HS6ST1: variants seen among roughly 807,000 people sequenced by gnomAD.
HS6ST1 encodes heparan sulfate 6-O-sulfotransferase 1.
HS6ST1 carries 3 observed loss-of-function variants against 25.2 expected under a neutral mutation model. That is an observed-to-expected ratio of 0.12 (90% CI 0.05 to 0.31). HS6ST1 has a LOEUF of 0.31. HS6ST1 is among the 10% of genes least tolerant of loss of function. The pLI is 1.00. For synonymous variants in HS6ST1, 204 were observed against 275.1 expected (o/e 0.74, Z 2.56); for missense variants, 310 against 609.6 (o/e 0.51, Z 5.18).
At chr2:128,299,424 G>T (rs1329024986) in intron 1 of HS6ST1, among the ~76,000 whole-genome samples, 1 of 152,224 alleles carries the variant, frequency 6.6e-6, no homozygotes, top group African/African-American at 2.4e-5. Flanking sequence ...GGCTCTGCTG[G>T]CCCCAGTCTC....
At chr2:128,313,314 G>A (rs1395803766) in intron 1 of HS6ST1, among the ~76,000 whole-genome samples, 1 of 152,172 alleles carries the variant, frequency 6.6e-6, no homozygotes, top group Non-Finnish European at 1.5e-5. Context: ...ACAGAGTACA[G>A]AATGAGCAAC....
At chr2:128,280,949 C>T (rs1693776766) in intron 1 of HS6ST1, among the ~76,000 whole-genome samples, 1 of 152,222 alleles carries the variant, frequency 6.6e-6, no homozygotes, top group Non-Finnish European at 1.5e-5. Flanking sequence ...GCTGACCCAA[C>T]CCCAGGGAGC....
intron 1 of HS6ST1, among the ~76,000 whole-genome samples, chr2:128,269,574 TGGAGGCGTCA>T (rs1693579293): frequency 6.6e-6 from 1 of 152,222 alleles, no homozygotes. Flanking sequence ...GACGCTGGGC[TGGAGGCGTCA>T]GGACACTGGA....
At chr2:128,284,471 C>T (rs571240275) in intron 1 of HS6ST1, among the ~76,000 whole-genome samples, 8 of 150,850 alleles carry the variant, frequency 5.3e-5, no homozygotes, top group East Asian at 2.0e-4. Flanking sequence ...CACACAGCAA[C>T]GCCTACCATA....
intron 1 of HS6ST1, among the ~76,000 whole-genome samples, chr2:128,286,402 C>T (rs892696588): frequency 1.3e-5 from 2 of 152,206 alleles, no homozygotes; most frequent in African/African-American, 4.8e-5. Context: ...CCTCATCAGA[C>T]TGCAGGTCAG....
chr2:128,301,066 C>T (rs186212162), intron 1 of HS6ST1, among the ~76,000 whole-genome samples: 21 of 152,314 alleles, frequency 1.4e-4, no homozygotes, highest in Non-Finnish European at 2.8e-4. Flanking sequence ...CAGCAACAGC[C>T]TCCTGAATGG....
chr2:128,283,287 A>C (rs1459529534), intron 1 of HS6ST1, among the ~76,000 whole-genome samples: 1 of 152,214 alleles, frequency 6.6e-6, no homozygotes, highest in Non-Finnish European at 1.5e-5. Flanking sequence ...TGTCACTGCA[A>C]CAGCTCCCAG....
At chr2:128,308,178 G>T (rs1191870775) in intron 1 of HS6ST1, among the ~76,000 whole-genome samples, 2 of 152,228 alleles carry the variant, frequency 1.3e-5, no homozygotes, top group Non-Finnish European at 1.5e-5. Context: ...GCAGGACAGT[G>T]GTGCTGAGCG....
At chr2:128,275,651 G>A (rs1693683260) in intron 1 of HS6ST1, among the ~76,000 whole-genome samples, 2 of 152,214 alleles carry the variant, frequency 1.3e-5, no homozygotes. Context: ...CAGAGGCACA[G>A]GAAGCCACAG....
At chr2:128,283,187 G>A (rs1353810450) in intron 1 of HS6ST1, among the ~76,000 whole-genome samples, 2 of 152,176 alleles carry the variant, frequency 1.3e-5, no homozygotes, top group Admixed American at 1.3e-4. Context: ...CACAGTGCTG[G>A]GGCAGTGTCC....
rs185263103 is a variant in HS6ST1, at chr2:128,282,389, C to T, written c.528-13519G>A. Among the ~76,000 whole-genome samples the T allele has an allele frequency of 5.3e-5, 8 of 152,350 alleles. No homozygotes were observed. The East Asian group carries it at 7.7e-4, about 15-fold the overall frequency. ...TGGTACCTCACTGTGGGTCACTGGGCGGGCCTTCCTCTGGCCTCCTGGACA... is the reference window on the plus strand; with the variant it reads ...TGGTACCTCACTGTGGGTCACTGGGTGGGCCTTCCTCTGGCCTCCTGGACA... On this transcript the variant is annotated intron_variant, in intron 1 of 1. Transcript: ENST00000259241.
chr2:128,295,154 G>A (rs1694024888), intron 1 of HS6ST1, among the ~76,000 whole-genome samples: 1 of 152,220 alleles, frequency 6.6e-6, no homozygotes, highest in African/African-American at 2.4e-5. Flanking sequence ...TGTGAACACC[G>A]TGAGATGTTG....
rs531282436 is a variant in HS6ST1, at chr2:128,280,795, C to T, written c.528-11925G>A. Among the ~76,000 whole-genome samples, 15 of 152,292 alleles carry T rather than the reference C, an allele frequency of 9.8e-5. No individual in the cohort carries two copies. The South Asian group carries it at 2.9e-3, about 29-fold the overall frequency. ...TCAGGTGCTGTGTGGGCACAGGGGG[C>T]AGTCCTCACCCATGTGCTTCCTGGG... On this transcript the variant is annotated intron_variant, in intron 1 of 1. Transcript: ENST00000259241.
chr2:128,301,181 A>G (rs555431959), intron 1 of HS6ST1, among the ~76,000 whole-genome samples: 3 of 149,820 alleles, frequency 2.0e-5, no homozygotes, highest in East Asian at 2.0e-4. Context: ...CGGGGGCTGC[A>G]TGGCTCTAGC....
chr2:128,285,613 A>G (rs1693849509), intron 1 of HS6ST1, among the ~76,000 whole-genome samples: 1 of 151,936 alleles, frequency 6.6e-6, no homozygotes. Context: ...GTCTGCCAGC[A>G]CCTGGGCCAG....
chr2:128,289,293 T>C (rs1047652103), intron 1 of HS6ST1, among the ~76,000 whole-genome samples: 7 of 152,198 alleles, frequency 4.6e-5, no homozygotes, highest in Non-Finnish European at 1.0e-4. Flanking sequence ...AACCAGCCAT[T>C]TTATGGCCCC....
intron 1 of HS6ST1, among the ~76,000 whole-genome samples, chr2:128,276,790 G>A (rs1693702276): frequency 6.6e-6 from 1 of 151,940 alleles, no homozygotes; most frequent in Admixed American, 6.5e-5. Flanking sequence ...TCTACCCTTT[G>A]CTCTGCTTGC....
intron 1 of HS6ST1, among the ~76,000 whole-genome samples, chr2:128,307,049 C>T (rs1694223665): frequency 6.6e-6 from 1 of 152,156 alleles, no homozygotes; most frequent in African/African-American, 2.4e-5. Context: ...GTCCCTGTGA[C>T]TTCAGAGCCG....
intron 1 of HS6ST1, among the ~76,000 whole-genome samples, chr2:128,288,695 AC>A (rs1279839352): frequency 1.6e-4 from 14 of 85,174 alleles, no homozygotes; most frequent in South Asian, 9.0e-4. Flanking sequence ...AAACAAACAA[AC>A]AAAACAATCT....
Sources: gnomAD v4.1 joint callset for allele counts (sites outside exome capture counted in the v4.1 genomes callset) on GRCh38, gnomAD v4.1.1 for gene constraint, MANE v1.5 for transcripts, NCBI Gene and HGNC (gene_info 2026-07-23, HGNC 2026-07-21) for gene names.